The following NDRG2 variants were observed in gnomAD, a reference collection of about 807,000 sequenced individuals.
NDRG2 encodes the protein protein NDRG2.
Under a neutral mutation model 58.2 loss-of-function variants are expected in NDRG2, and 34 were observed. That is an observed-to-expected ratio of 0.58 (90% confidence interval 0.44 to 0.78). The LOEUF is 0.78. Ranked by LOEUF, NDRG2 falls within the 30% of genes least tolerant of loss-of-function variation. The pLI, the probability that NDRG2 is intolerant of heterozygous loss-of-function variation, is 0.00. For missense variants in NDRG2, 434 were observed against 471.2 expected (o/e 0.92, Z 0.73); for synonymous variants, 187 against 175.9 (o/e 1.06, Z -0.50).
chr14:21,066,269 T>G (rs1886256399), intron 1 of NDRG2, among the ~76,000 whole-genome samples: 1 of 151,624 alleles, frequency 6.6e-6, no homozygotes, highest in African/African-American at 2.4e-5. Context: ...TGGAAAGCCA[T>G]TAGACGGGGT....
upstream of NDRG2, among the ~76,000 whole-genome samples, chr14:21,026,336 C>A (rs1484379936): frequency 1.4e-5 from 2 of 147,460 alleles, no homozygotes; most frequent in Non-Finnish European, 3.0e-5. Context: ...AGGATCATAT[C>A]CACCCCAACC....
intron 1 of NDRG2, among the ~76,000 whole-genome samples, chr14:21,050,774 C>T (rs1337818405): frequency 6.6e-6 from 1 of 152,064 alleles, no homozygotes; most frequent in African/African-American, 2.4e-5. Context: ...TGGTTATGCA[C>T]ACGAGAGTAC....
chr14:21,031,244 A>T (rs778716953), intron 1 of NDRG2: 15 of 1,530,798 alleles, frequency 9.8e-6, no homozygotes, highest in Non-Finnish European at 1.3e-5. Context: ...AACCCTGCCA[A>T]CTGTGTGACT....
At chr14:21,027,887 T>C (rs1420949605), upstream of NDRG2, among the ~76,000 whole-genome samples, 1 of 152,186 alleles carries the variant, frequency 6.6e-6, no homozygotes, top group Non-Finnish European at 1.5e-5. Flanking sequence ...TGAGGGGCAT[T>C]CTATCCAGGC....
Position 21,023,225 on chromosome 14 carries a change from A to G in NDRG2, c.75+16T>C. On this transcript the variant is annotated intron_variant, in intron 2 of 15. Transcript: ENST00000556147. ...GTCTGGAATTTGGGCATGGGAGTCA[A>G]ACGGTCTCTAATAACCTTGGCCGCC... The G allele has an allele frequency of 6.2e-7, 1 of 1,612,566 alleles. No homozygotes were observed. Among genetic ancestry groups the G allele is most frequent in the Admixed American group, 1.7e-5 (1 of 59,952 alleles).
At position 21,017,669 on chromosome 14, in the gene NDRG2, G is replaced by T. The variant is rs1396357940; in HGVS notation, c.1043C>A (p.Thr348Asn). ...SVDGNRSRSR[T>N]LSQSSESGTL... is the part of the protein sequence containing the mutation. ...TCCAGACTCGCTGCTCTGGGACAGG[G>T]TGCGAGAGCGGGACCGGTTGCCATC... Residue 348 changes from threonine (T) to asparagine (N), a missense_variant, in exon 16 of 16, where the codon ACC becomes AAC. Thr to Asn is a moderately conservative substitution (Grantham distance 65). Coordinates refer to ENST00000556147, the MANE Select transcript of NDRG2 (RefSeq NM_001320329.2). The T allele has an allele frequency of 6.2e-7, 1 of 1,612,388 alleles. No individual in the cohort carries two copies. The highest frequency in any genetic ancestry group is 1.1e-5 in the South Asian group (1 of 90,700).
chr14:21,017,653 G>A lies in NDRG2; in HGVS notation c.1059C>T (p.Ser353=), dbSNP rs1180145403. 4.3e-6 allele frequency: 7 copies of A among 1,612,988 alleles called. No homozygotes were observed. The highest frequency in any genetic ancestry group is 1.7e-5 in the Admixed American group (1 of 59,866). The change falls in exon 16 of 16, where the codon AGC becomes AGT. Residue 353 remains serine, a synonymous_variant. Coordinates refer to ENST00000556147, the MANE Select transcript of NDRG2 (RefSeq NM_001320329.2). ...GCCCCGAAGAAAGAGTTCCAGACTC[G>A]CTGCTCTGGGACAGGGTGCGAGAGC... ...RSRSRTLSQS[S]ESGTLSSGPP...
At chr14:21,018,301 T>C (rs1878025407) in intron 13 of NDRG2, 62 bp from the exon 14 acceptor site, 1 of 1,610,422 alleles carries the variant, frequency 6.2e-7, no homozygotes, top group African/African-American at 1.3e-5. Flanking sequence ...TGCAGAGAGG[T>C]GGAAAGGGTC....
chr14:21,032,992 G>A (rs3748347), intron 1 of NDRG2: 9 of 455,852 alleles, frequency 2.0e-5, no homozygotes, highest in African/African-American at 1.0e-4. Context: ...TGCCTCATTC[G>A]CTGCCTGGTC....
intron 1 of NDRG2, chr14:21,057,984 A>C (rs1435321479): frequency 4.3e-6 from 7 of 1,613,942 alleles, no homozygotes; most frequent in Admixed American, 3.3e-5. Flanking sequence ...AAGCCCAAGG[A>C]CATGACATCA....
At chr14:21,050,600 A>C (rs553032596) in intron 1 of NDRG2, among the ~76,000 whole-genome samples, 1 of 152,316 alleles carries the variant, frequency 6.6e-6, no homozygotes, top group Non-Finnish European at 1.5e-5. Context: ...AAACACCTAA[A>C]GTAGTGCCCA....
At chr14:21,026,198 G>A (rs1243451), upstream of NDRG2, among the ~76,000 whole-genome samples, 84,970 of 151,816 alleles carry the variant, frequency 0.56, 24,971 homozygotes, top group African/African-American at 0.75. Flanking sequence ...TGTGCCCCTC[G>A]GAGGAAGGCT....
chr14:21,067,759 C>T (rs984966059), intron 1 of NDRG2, among the ~76,000 whole-genome samples: 2 of 80,040 alleles, frequency 2.5e-5, no homozygotes, highest in African/African-American at 1.1e-4. Context: ...TGTGTACACA[C>T]GTACACACAC....
intron 1 of NDRG2, among the ~76,000 whole-genome samples, chr14:21,055,069 A>T (rs1180940273): frequency 6.6e-6 from 1 of 152,214 alleles, no homozygotes; most frequent in East Asian, 1.9e-4. Flanking sequence ...CACTCGCCAC[A>T]CTACTTTGAA....
At chr14:21,060,239 TCTAGAA>T (rs1462832714) in intron 1 of NDRG2, among the ~76,000 whole-genome samples, 1 of 152,172 alleles carries the variant, frequency 6.6e-6, no homozygotes, top group Non-Finnish European at 1.5e-5. Flanking sequence ...TTCTATGCTT[TCTAGAA>T]CTAGAACTCA....
intron 1 of NDRG2, among the ~76,000 whole-genome samples, chr14:21,041,505 C>T (rs989177345): frequency 6.6e-6 from 1 of 152,090 alleles, no homozygotes; most frequent in Non-Finnish European, 1.5e-5. Context: ...GCCTTGGTGT[C>T]TCGGTTCTCC....
chr14:21,020,932 C>T (rs1309385136), intron 6 of NDRG2, 88 bp from the exon 7 acceptor site: 1 of 1,402,170 alleles, frequency 7.1e-7, no homozygotes, highest in South Asian at 1.2e-5. Context: ...CACCCTCCCT[C>T]CTGAGTCCAC....
In NDRG2 at chr14:21,021,680, C is replaced by T. The variant is rs75931750; in HGVS notation, c.407+137G>A. The T allele has an allele frequency of 0.014, 13,120 of 949,154 alleles. 921 individuals are homozygous for T. In the African/African-American group the frequency reaches 0.16, roughly 12 times the overall value. The allele number at this position is 949,154 out of a possible 1,614,324, so 58.8% of individuals were successfully genotyped here. ...CACCACCTTTTCTCAATAATCAAGG[C>T]GGGAGCATGAAGGAAGAAGATATAT... On this transcript the variant is annotated intron_variant, in intron 6 of 15. Transcript: ENST00000556147.
chr14:21,030,342 G>A (rs1173018651), upstream of NDRG2: 1 of 513,724 alleles, frequency 1.9e-6, no homozygotes. Flanking sequence ...GGATCATTCA[G>A]TAGGTAGGAT....
Sources: gnomAD v4.1 joint callset for allele counts (sites outside exome capture counted in the v4.1 genomes callset) on GRCh38, gnomAD v4.1.1 for gene constraint, MANE v1.5 for transcripts, NCBI Gene and HGNC (gene_info 2026-07-23, HGNC 2026-07-21) for gene names.